EGLN3: variants seen among roughly 807,000 people sequenced by gnomAD.
EGLN3 encodes prolyl hydroxylase EGLN3.
Under a neutral mutation model 26.0 loss-of-function variants are expected in EGLN3, and 15 were observed. That is an observed-to-expected ratio of 0.58 (90% CI 0.39 to 0.89). The LOEUF (loss-of-function observed/expected upper bound fraction) is 0.89, where lower values mean the gene tolerates loss of function less well. Among genes scored for constraint, EGLN3 ranks in the 40% least tolerant of loss-of-function variants. The pLI is 0.00. For missense variants in EGLN3, 238 were observed against 311.6 expected, an observed-to-expected ratio of 0.76 and a Z score of 1.78; for synonymous variants, 147 against 127.2, an observed-to-expected ratio of 1.16 and a Z score of -1.05.
At chr14:33,929,234 G>A in intron 2 of EGLN3, 22 bp from the exon 3 acceptor site, 1 of 1,613,056 alleles carries the variant, frequency 6.2e-7, no homozygotes, top group South Asian at 1.1e-5. Context: ...AAAGAAGGGG[G>A]ATTATTTCTT....
At chr14:33,945,510 A>G (rs764772749) in intron 1 of EGLN3, among the ~76,000 whole-genome samples, 1 of 152,226 alleles carries the variant, frequency 6.6e-6, no homozygotes, top group Non-Finnish European at 1.5e-5. Flanking sequence ...GCTCATCTGC[A>G]ACTAAAGGCT....
chr14:33,940,675 T>G (rs1018557700), intron 1 of EGLN3, among the ~76,000 whole-genome samples: 2 of 152,026 alleles, frequency 1.3e-5, no homozygotes, highest in African/African-American at 4.8e-5. Context: ...ACCACAGCCC[T>G]TATATGGCAA....
In EGLN3 at chr14:33,950,829, G is replaced by T; in HGVS notation, c.-77C>A. 7.4e-7 allele frequency: 1 copy of T among 1,348,998 alleles called. No homozygotes were observed. The highest frequency in any genetic ancestry group is 1.4e-5 in the African/African-American group (1 of 69,010). 83.6% of individuals were successfully genotyped at this position (1,348,998 alleles called of 1,614,324 possible). ...ACGATCTACACGAGCGCGAAGCCGAGGCGCGGGGAGCGTGGCCCGGGGTTC... is the reference window on the plus strand; with the variant it reads ...ACGATCTACACGAGCGCGAAGCCGATGCGCGGGGAGCGTGGCCCGGGGTTC... On this transcript the variant is annotated 5_prime_UTR_variant, in exon 1 of 5. Transcript: ENST00000250457.
At chr14:33,938,960 T>A (rs1160767197) in intron 1 of EGLN3, among the ~76,000 whole-genome samples, 1 of 152,182 alleles carries the variant, frequency 6.6e-6, no homozygotes, top group African/African-American at 2.4e-5. Flanking sequence ...AAAACAGCCT[T>A]ATCAGAATAA....
intron 1 of EGLN3, among the ~76,000 whole-genome samples, chr14:33,947,503 C>T (rs2033054682): frequency 6.6e-6 from 1 of 152,146 alleles, no homozygotes; most frequent in South Asian, 2.1e-4. Context: ...CTCCCAATAT[C>T]TTTGCTATTG....
At position 33,924,941 on chromosome 14, in the gene EGLN3, T is replaced by TAAAAAAAAAAACAAAA. The variant is rs2064350473; in HGVS notation, c.*949_*950insTTTTGTTTTTTTTTTT. On this transcript the variant is annotated 3_prime_UTR_variant, in exon 5 of 5. Transcript: ENST00000250457. ...GGGTGAGCTCATTAAAAAGGAAAACTAAAAAAAAAAAAAAAAAAAAAACAG... is the reference window on the plus strand; with the variant it reads ...GGGTGAGCTCATTAAAAAGGAAAACTAAAAAAAAAAACAAAAAAAAAAAAAAAAAAAAAAAAAACAG... 1 of 103,356 alleles carries TAAAAAAAAAAACAAAA rather than the reference T, an allele frequency of 9.7e-6. No homozygotes were observed. The highest frequency in any genetic ancestry group is 3.8e-5 in the African/African-American group (1 of 26,594). 6.4% of individuals were successfully genotyped at this position (103,356 alleles called of 1,614,324 possible). A position where few individuals can be genotyped will look rare whatever the true frequency, so the allele number is the denominator to read the frequency against.
At chr14:33,938,261 C>A (rs1319286812) in intron 1 of EGLN3, among the ~76,000 whole-genome samples, 1 of 152,210 alleles carries the variant, frequency 6.6e-6, no homozygotes, top group Non-Finnish European at 1.5e-5. Context: ...CCCAAGAAGC[C>A]ACTGAAAGGC....
At position 33,925,635 on chromosome 14, in the gene EGLN3, C is replaced by T; in HGVS notation, c.*256G>A. The T allele has an allele frequency of 2.0e-6, 1 of 511,208 alleles. No individual in the cohort carries two copies. The highest frequency in any genetic ancestry group is 3.5e-6 in the Non-Finnish European group (1 of 284,044). 31.7% of individuals were successfully genotyped at this position (511,208 alleles called of 1,614,324 possible). A position where few individuals can be genotyped will look rare whatever the true frequency, so the allele number is the denominator to read the frequency against. The stretch of plus-strand genomic sequence containing the variant: ...AGTATTACCGAATCTATCAGGTAAA[C>T]CGCTGGCCGAGTAGGATGTCTGCAG... On this transcript the variant is annotated 3_prime_UTR_variant, in exon 5 of 5. Coordinates refer to ENST00000250457, the MANE Select transcript of EGLN3 (RefSeq NM_022073.4).
chr14:33,939,509 C>CCG lies in EGLN3; in HGVS notation c.358-8295_358-8294insCG, dbSNP rs2064467915. Among the ~76,000 whole-genome samples, 3 of 108,070 alleles carry CCG rather than the reference C, an allele frequency of 2.8e-5. No homozygotes were observed. In the South Asian group the frequency reaches 8.5e-4, roughly 31 times the overall value. The allele number at this position is 108,070 out of a possible 152,430, so 70.9% of individuals were successfully genotyped here. ...GCAGGCGTGAGCCACCGCGCCCGGC[C>CCG]GAAACAATCTTAAAACAGGAGAAAC... On this transcript the variant is annotated intron_variant, in intron 1 of 4. Transcript: ENST00000250457.
At chr14:33,939,920 G>A (rs1320517185) in intron 1 of EGLN3, among the ~76,000 whole-genome samples, 1 of 152,064 alleles carries the variant, frequency 6.6e-6, no homozygotes, top group Non-Finnish European at 1.5e-5. Flanking sequence ...CATTTTTGAG[G>A]GAACTAAGAT....
chr14:33,942,295 TAAAAA>T (rs35056523), intron 1 of EGLN3, among the ~76,000 whole-genome samples: 1 of 139,990 alleles, frequency 7.1e-6, no homozygotes, highest in Non-Finnish European at 1.6e-5. Context: ...AAAGTTTAGT[TAAAAA>T]AAAAAAAAAG....
intron 3 of EGLN3, among the ~76,000 whole-genome samples, chr14:33,927,863 T>C (rs993712052): frequency 8.5e-5 from 13 of 152,322 alleles, no homozygotes; most frequent in African/African-American, 2.9e-4. Context: ...TGAATAATAA[T>C]AATGCCCCAG....
At chr14:33,941,467 T>C (rs931315097) in intron 1 of EGLN3, among the ~76,000 whole-genome samples, 1 of 151,948 alleles carries the variant, frequency 6.6e-6, no homozygotes, top group African/African-American at 2.4e-5. Flanking sequence ...ACATAACATG[T>C]CACTCTAATA....
intron 1 of EGLN3, among the ~76,000 whole-genome samples, chr14:33,939,149 T>G (rs147200859): frequency 8.5e-4 from 129 of 152,118 alleles, no homozygotes; most frequent in Middle Eastern, 3.4e-3. Context: ...TAATGGATAA[T>G]ATATGAAAAA....
At chr14:33,935,302 T>C (rs551062940) in intron 1 of EGLN3, among the ~76,000 whole-genome samples, 22 of 152,318 alleles carry the variant, frequency 1.4e-4, no homozygotes, top group Admixed American at 3.3e-4. Flanking sequence ...AGAACGTCTC[T>C]TCTTCAGAGA....
At position 33,924,325 on chromosome 14, in the gene EGLN3, A is replaced by G. The variant is rs1345574667; in HGVS notation, c.*1566T>C. 1 of 152,214 alleles carries G rather than the reference A, an allele frequency of 6.6e-6. No individual in the cohort carries two copies. The highest frequency in any genetic ancestry group is 2.4e-5 in the African/African-American group (1 of 41,462). The allele number at this position is 152,214 out of a possible 1,614,324, so 9.4% of individuals were successfully genotyped here. On this transcript the variant is annotated 3_prime_UTR_variant, in exon 5 of 5. Coordinates refer to ENST00000250457, the MANE Select transcript of EGLN3 (RefSeq NM_022073.4). ...AGAGTATGTTGCATTGGTTAAAAAT[A>G]TACAAAATTCCTGTCTTCATTGTGC...
At chr14:33,944,088 C>A (rs2064501430) in intron 1 of EGLN3, among the ~76,000 whole-genome samples, 1 of 152,086 alleles carries the variant, frequency 6.6e-6, no homozygotes. Flanking sequence ...TCTGACCCAG[C>A]CAGCGTAGCC....
intron 3 of EGLN3, among the ~76,000 whole-genome samples, chr14:33,928,655 C>G (rs145750405): frequency 6.6e-6 from 1 of 152,138 alleles, no homozygotes; most frequent in African/African-American, 2.4e-5. Flanking sequence ...TCTCAAGGCT[C>G]TTTCTCTGCT....
intron 2 of EGLN3, among the ~76,000 whole-genome samples, chr14:33,930,021 C>T (rs1199196555): frequency 6.6e-6 from 1 of 152,198 alleles, no homozygotes; most frequent in African/African-American, 2.4e-5. Context: ...TTATGACATA[C>T]ACCACTCTCT....
Sources: allele counts gnomAD v4.1 joint callset (sites outside exome capture counted in the v4.1 genomes callset), GRCh38; gene constraint gnomAD v4.1.1; transcripts MANE v1.5; gene names NCBI Gene and HGNC (gene_info 2026-07-23, HGNC 2026-07-21).